CLEC2A: variants seen among roughly 807,000 people sequenced by gnomAD.
The protein encoded by CLEC2A is C-type lectin domain family 2 member A.
In CLEC2A, 19 loss-of-function variants were observed where a neutral mutation model predicts 18.6. The ratio of observed to expected loss-of-function variants is 1.02; its 90% confidence interval spans 0.71 to 1.50. CLEC2A has a LOEUF of 1.50. Ranked by LOEUF, CLEC2A falls within the 40% of genes most tolerant of loss-of-function variation. CLEC2A has a pLI of 0.00. For missense variants in CLEC2A, 190 were observed against 207.9 expected (o/e 0.91, Z 0.53); for synonymous variants, 74 against 64.0 (o/e 1.16, Z -0.75).
At chr12:9,900,491 T>C (rs1367920237) in intron 4 of CLEC2A, among the ~76,000 whole-genome samples, 1 of 152,232 alleles carries the variant, frequency 6.6e-6, no homozygotes, top group African/African-American at 2.4e-5. Flanking sequence ...GCCTGATTGT[T>C]TGCATAAAGT....
downstream of CLEC2A, among the ~76,000 whole-genome samples, chr12:9,908,631 A>G (rs1025376648): frequency 6.6e-6 from 1 of 152,036 alleles, no homozygotes; most frequent in Non-Finnish European, 1.5e-5. Context: ...GGCCCCCCCT[A>G]TTCTTCCTCA....
the CLEC2A span, among the ~76,000 whole-genome samples, chr12:9,889,908 G>T: frequency 6.6e-6 from 1 of 151,848 alleles, no homozygotes; most frequent in Non-Finnish European, 1.5e-5. Context: ...TAAATTGGGG[G>T]TGATAATGAC....
At chr12:9,911,433 C>T (rs1419308276), downstream of CLEC2A, among the ~76,000 whole-genome samples, 1 of 152,144 alleles carries the variant, frequency 6.6e-6, no homozygotes, top group Non-Finnish European at 1.5e-5. Context: ...GTGATTAGTT[C>T]CATATGTTGC....
rs190103811 is a variant in CLEC2A at position 9,913,444 on chromosome 12, G to A, written c.*122C>T. Reference sequence around the variant, plus strand: ...GCAAGAAGTTTCCATCTATAAACTAGAAAATGGGCCCTCACCAGAGGTTCC... The same window carrying A: ...GCAAGAAGTTTCCATCTATAAACTAAAAAATGGGCCCTCACCAGAGGTTCC... On this transcript the variant is annotated 3_prime_UTR_variant, in exon 5 of 5. Coordinates refer to ENST00000455827, the MANE Select transcript of CLEC2A (RefSeq NM_001130711.2). The A allele has an allele frequency of 6.7e-4, 956 of 1,423,568 alleles. 13 individuals carry two copies. The East Asian group carries it at 0.022, about 32-fold the overall frequency. 88.2% of individuals were successfully genotyped at this position (1,423,568 alleles called of 1,614,324 possible). A position where few individuals can be genotyped will look rare whatever the true frequency, so the allele number is the denominator to read the frequency against.
downstream of CLEC2A, among the ~76,000 whole-genome samples, chr12:9,894,167 CTTTG>C (rs1463163132): frequency 2.3e-5 from 3 of 128,112 alleles, no homozygotes; most frequent in African/African-American, 6.1e-5. Context: ...TCCCTTCCTT[CTTTG>C]TTTCTTTCTT....
At chr12:9,918,634 A>C (rs1399238340) in intron 3 of CLEC2A, among the ~76,000 whole-genome samples, 2 of 152,142 alleles carry the variant, frequency 1.3e-5, no homozygotes, top group African/African-American at 4.8e-5. Flanking sequence ...TTCTAATTTC[A>C]TGAAGAATAT....
At chr12:9,887,671 C>T in the CLEC2A span, among the ~76,000 whole-genome samples, 1 of 150,304 alleles carries the variant, frequency 6.7e-6, no homozygotes, top group East Asian at 1.9e-4. Flanking sequence ...TGAAAACAAA[C>T]TATAAATAAT....
At chr12:9,895,190 C>T (rs987665220), downstream of CLEC2A, among the ~76,000 whole-genome samples, 2 of 152,172 alleles carry the variant, frequency 1.3e-5, no homozygotes, top group East Asian at 3.8e-4. Flanking sequence ...TTATAGCATA[C>T]CTATCACTAT....
the CLEC2A span, among the ~76,000 whole-genome samples, chr12:9,884,189 A>G: frequency 6.6e-6 from 1 of 152,096 alleles, no homozygotes; most frequent in African/African-American, 2.4e-5. Context: ...ATTATTATAC[A>G]TGCCCCTGTT....
downstream of CLEC2A, among the ~76,000 whole-genome samples, chr12:9,908,540 T>C (rs116325975): frequency 7.8e-3 from 1,189 of 152,246 alleles, 18 homozygotes; most frequent in African/African-American, 0.027. Context: ...ACTAAAAACG[T>C]TATGAGTTCA....
intron 1 of CLEC2A, among the ~76,000 whole-genome samples, chr12:9,931,843 A>G (rs1863380395): frequency 6.6e-6 from 1 of 152,140 alleles, no homozygotes; most frequent in Non-Finnish European, 1.5e-5. Context: ...TTATGTTTCA[A>G]TCCACTGAAA....
chr12:9,917,268 A>T (rs1402372794), intron 3 of CLEC2A, among the ~76,000 whole-genome samples: 1 of 152,130 alleles, frequency 6.6e-6, no homozygotes, highest in African/African-American at 2.4e-5. Flanking sequence ...TTTGTTACAG[A>T]GGTAGACTTG....
intron 3 of CLEC2A, among the ~76,000 whole-genome samples, chr12:9,918,582 G>T (rs1261585344): frequency 6.6e-6 from 1 of 152,120 alleles, no homozygotes; most frequent in African/African-American, 2.4e-5. Flanking sequence ...GGCAATTTGG[G>T]CTCTTTTATG....
chr12:9,893,080 C>T, the CLEC2A span: 1,263 of 1,535,468 alleles, frequency 8.2e-4, no homozygotes, highest in Middle Eastern at 2.3e-3. Context: ...TACTGGTTTT[C>T]AACTTCTTTT....
At chr12:9,884,923 C>T in the CLEC2A span, 3 of 958,002 alleles carry the variant, frequency 3.1e-6, no homozygotes, top group African/African-American at 1.7e-5. Context: ...TTCTAAAATT[C>T]AACATTTCAG....
At chr12:9,916,491 C>T (rs1418351464) in intron 4 of CLEC2A, among the ~76,000 whole-genome samples, 1 of 152,064 alleles carries the variant, frequency 6.6e-6, no homozygotes, top group Non-Finnish European at 1.5e-5. Flanking sequence ...GAAGATTTCA[C>T]CATGTGTCAT....
At chr12:9,894,859 A>C (rs1862739120), downstream of CLEC2A, among the ~76,000 whole-genome samples, 1 of 152,026 alleles carries the variant, frequency 6.6e-6, no homozygotes, top group Non-Finnish European at 1.5e-5. Context: ...TATTATAATT[A>C]ATATTATTTT....
At chr12:9,927,430 T>C (rs1288259789) in intron 1 of CLEC2A, among the ~76,000 whole-genome samples, 3 of 152,210 alleles carry the variant, frequency 2.0e-5, no homozygotes, top group African/African-American at 4.8e-5. Context: ...TGCATGACTA[T>C]ATGTGTATAT....
intron 4 of CLEC2A, 125 bp downstream of exon 4, chr12:9,916,575 G>T: frequency 1.4e-6 from 1 of 694,560 alleles, no homozygotes; most frequent in South Asian, 1.8e-5. Flanking sequence ...ATCGATTGGA[G>T]ACTGAAAAGT....
Sources: allele counts gnomAD v4.1 joint callset (sites outside exome capture counted in the v4.1 genomes callset), GRCh38; gene constraint gnomAD v4.1.1; transcripts MANE v1.5; gene names NCBI Gene and HGNC (gene_info 2026-07-23, HGNC 2026-07-21).